Variants in SCN3A observed in about 807,000 individuals in gnomAD.
SCN3A encodes sodium channel protein type 3 subunit alpha.
A neutral mutation model predicts 187.6 loss-of-function variants in SCN3A; 60 were observed. The observed-to-expected ratio is 0.32, with a 90% CI of 0.26 to 0.40. The LOEUF is 0.40. Among genes scored for constraint, SCN3A ranks in the 10% least tolerant of loss-of-function variants. SCN3A has a pLI of 1.00. For synonymous variants in SCN3A, 788 were observed against 829.2 expected (o/e 0.95, Z 0.85); for missense variants, 1,601 against 2,428.2 (o/e 0.66, Z 7.16).
At chr2:165,138,188 C>T (rs1687785567) in intron 14 of SCN3A, 71 bp from the exon 15 acceptor site, 2 of 1,090,064 alleles carry the variant, frequency 1.8e-6, no homozygotes, top group Admixed American at 1.7e-5. Flanking sequence ...GTAGATTTTA[C>T]ATTATTTAAC....
chr2:165,117,195 T>A (rs1686414918), intron 18 of SCN3A, among the ~76,000 whole-genome samples: 1 of 152,076 alleles, frequency 6.6e-6, no homozygotes, highest in Admixed American at 6.6e-5. Context: ...GTTTATGGGT[T>A]AATTACTATG....
chr2:165,201,861 C>A (rs1236734059), intron 1 of SCN3A, among the ~76,000 whole-genome samples: 1 of 151,982 alleles, frequency 6.6e-6, no homozygotes, highest in Non-Finnish European at 1.5e-5. Context: ...GAAGAAAAAT[C>A]CAAATAAATG....
At chr2:165,157,674 A>G (rs1390074973) in intron 9 of SCN3A, among the ~76,000 whole-genome samples, 2 of 152,216 alleles carry the variant, frequency 1.3e-5, no homozygotes, top group Non-Finnish European at 2.9e-5. Flanking sequence ...ACCCGCAGTT[A>G]TGATCTTAAG....
At chr2:165,146,378 ATATATGTGTGTGTGTGTGTGTG>A (rs1392438363) in intron 12 of SCN3A, among the ~76,000 whole-genome samples, 4 of 137,418 alleles carry the variant, frequency 2.9e-5, no homozygotes, top group Non-Finnish European at 1.5e-5. Context: ...TTATATATAT[ATATATGTGTGTGTGTGTGTGTG>A]TGTGTGTGTG....
At chr2:165,119,462 G>A (rs1686542837) in intron 18 of SCN3A, among the ~76,000 whole-genome samples, 1 of 152,096 alleles carries the variant, frequency 6.6e-6, no homozygotes, top group Non-Finnish European at 1.5e-5. Context: ...CTTTACTGCT[G>A]TATTTTTTAA....
In SCN3A at chr2:165,140,811, C is replaced by T. The variant is rs369720053; in HGVS notation, c.1859G>A (p.Arg620Gln). 5.0e-6 allele frequency: 8 copies of T among 1,614,008 alleles called. No homozygotes were observed. The highest frequency in any genetic ancestry group is 6.8e-6 in the Non-Finnish European group (8 of 1,180,028). Reference protein sequence around the residue: ...SLFVPHRHGERRNSNVSQASM... With the variant: ...SLFVPHRHGEQRNSNVSQASM... ...GGCCTGACTAACGTTACTGTTGCGT[C>T]GCTCTCCATGTCTGTGCGGCACAAA... is the stretch of plus-strand genomic sequence containing the variant. Residue 620 changes from arginine to glutamine, a missense_variant, in exon 13 of 28, where the codon CGA becomes CAA. By Grantham distance (43) the Arg-to-Gln change is conservative. Around this residue, in one of 11 missense-constraint regions of SCN3A, gnomAD observed 376 missense variants for 476.0 expected, o/e 0.79. Transcript: ENST00000283254. The surrounding 1 kb of genome is among the most constrained non-coding windows in gnomAD (Gnocchi z 4.2).
chr2:165,132,263 A>T (rs1172037137), intron 15 of SCN3A, among the ~76,000 whole-genome samples: 1 of 152,216 alleles, frequency 6.6e-6, no homozygotes, highest in Non-Finnish European at 1.5e-5. Context: ...CTTTCTTCAC[A>T]GAATTGGAAA....
intron 19 of SCN3A, 97 bp downstream of exon 19, chr2:165,115,358 C>T (rs754345012): frequency 6.5e-7 from 1 of 1,538,244 alleles, no homozygotes. Flanking sequence ...TAAGCCACCA[C>T]ACCTCGTTTC....
intron 1 of SCN3A, among the ~76,000 whole-genome samples, chr2:165,193,411 A>G (rs1027819913): frequency 6.6e-6 from 1 of 152,138 alleles, no homozygotes; most frequent in African/African-American, 2.4e-5. Context: ...AGAATATAAC[A>G]GCATTACAGG....
chr2:165,176,566 T>A lies in SCN3A; in HGVS notation c.-50-122A>T, dbSNP rs1048199951. Reference sequence around the variant, plus strand: ...TATAAACATTAAGTCATGCTTTTAGTACTGCACTACACATTTGAACTTGAA... The same window carrying A: ...TATAAACATTAAGTCATGCTTTTAGAACTGCACTACACATTTGAACTTGAA... On this transcript the variant is annotated intron_variant, in intron 2 of 27. Coordinates refer to ENST00000283254, the MANE Select transcript of SCN3A (RefSeq NM_006922.4). The A allele has an allele frequency of 2.4e-5, 17 of 698,366 alleles. No homozygotes were observed. The African/African-American group carries it at 3.0e-4, about 12-fold the overall frequency. 43.3% of individuals were successfully genotyped at this position (698,366 alleles called of 1,614,324 possible).
Position 165,123,856 on chromosome 2 carries a change from T to TA in SCN3A, c.3393+3774dup, listed in dbSNP as rs371752374. Among the ~76,000 whole-genome samples the TA allele has an allele frequency of 3.9e-3, 590 of 152,292 alleles. 4 individuals are homozygous for TA. Among genetic ancestry groups the TA allele is most frequent in the African/African-American group, 0.014 (569 of 41,572 alleles). The stretch of plus-strand genomic sequence containing the variant: ...ACATGCTGGTATTGGCTTTTTATTT[T>TA]AAAAACTGTCTGCATTTTATCTTGT... On this transcript the variant is annotated intron_variant, in intron 18 of 27. Coordinates refer to ENST00000283254, the MANE Select transcript of SCN3A (RefSeq NM_006922.4).
intron 25 of SCN3A, 58 bp downstream of exon 25, chr2:165,095,453 G>T: frequency 1.3e-6 from 2 of 1,505,154 alleles, no homozygotes; most frequent in Non-Finnish European, 1.8e-6. Flanking sequence ...TGGTTATTTG[G>T]CTGTATTAAC....
At chr2:165,110,281 C>T (rs1574124908) in intron 21 of SCN3A, among the ~76,000 whole-genome samples, 1 of 152,086 alleles carries the variant, frequency 6.6e-6, no homozygotes, top group South Asian at 2.1e-4. Context: ...GCATATGATC[C>T]TTTATAAGGT....
At chr2:165,124,349 G>A (rs374728049) in intron 18 of SCN3A, among the ~76,000 whole-genome samples, 4 of 151,894 alleles carry the variant, frequency 2.6e-5, no homozygotes, top group Non-Finnish European at 5.9e-5. Context: ...CCAACTGTTC[G>A]GTAGGAGGAA....
chr2:165,128,060 G>A lies in SCN3A; in HGVS notation c.2964C>T (p.Ser988=), dbSNP rs1687099918. 6.2e-7 allele frequency: 1 copy of A among 1,613,064 alleles called. No individual in the cohort carries two copies. Among genetic ancestry groups the A allele is most frequent in the African/African-American group, 1.3e-5 (1 of 74,854 alleles). ...LFLALLLSSF[S]SDNLAATDDD... ...CATCAGTAGCAGCAAGGTTGTCTGA[G>A]CTAAATGAACTCAACAATAAGGCCA... The change falls in exon 18 of 28, where the codon AGC becomes AGT. Residue 988 remains serine (S), a synonymous_variant. Coordinates refer to ENST00000283254, the MANE Select transcript of SCN3A (RefSeq NM_006922.4).
intron 17 of SCN3A, among the ~76,000 whole-genome samples, chr2:165,128,537 T>A (rs1687133385): frequency 1.3e-5 from 2 of 152,238 alleles, no homozygotes; most frequent in Non-Finnish European, 2.9e-5. Flanking sequence ...ATATAAAGAA[T>A]GAACTTATTT....
At chr2:165,177,062 G>T (rs1334951333) in intron 2 of SCN3A, among the ~76,000 whole-genome samples, 1 of 152,092 alleles carries the variant, frequency 6.6e-6, no homozygotes, top group Non-Finnish European at 1.5e-5. Context: ...TCACCAACCA[G>T]CAGGGACATG....
rs777999021 is a variant in SCN3A at position 165,164,435 on chromosome 2, G to A, written c.559C>T (p.Arg187Cys). 7.4e-6 allele frequency: 12 copies of A among 1,613,640 alleles called. No individual in the cohort carries two copies. The highest frequency in any genetic ancestry group is 4.0e-5 in the African/African-American group (3 of 74,900). Residue 187 changes from arginine to cysteine, a missense_variant, in exon 6 of 28, where the codon CGT becomes TGT. Arg to Cys is a radical substitution (Grantham distance 180). Coordinates refer to ENST00000283254, the MANE Select transcript of SCN3A (RefSeq NM_006922.4). ...AAATCCAGCCAGTTCCATGGATCAC[G>A]AAGAAACGTAAAATCTTCTAAGCAA... ...GFCLEDFTFL[R>C]DPWNWLDFSV...
rs769002204 is a variant in SCN3A, at chr2:165,139,578, T to C, written c.2050A>G (p.Arg684Gly). The change falls in exon 14 of 28, where the codon AGA becomes GGA. Residue 684 changes from arginine to glycine, a missense_variant. Physicochemically the swap from Arg to Gly is moderately radical, Grantham distance 125 (BLOSUM62 -2). Transcript: ENST00000283254. ...GAAATCTGGTAAGAGCTTAACCTTC[T>C]CTTTCTGACTTCCGTTTCTGTGGTG... ...GTTTETEVRKRRLSSYQISME... is the reference protein window; with the variant it reads ...GTTTETEVRKGRLSSYQISME... 7 of 1,613,818 alleles carry C rather than the reference T, an allele frequency of 4.3e-6. No individual in the cohort carries two copies. Among genetic ancestry groups the C allele is most frequent in the African/African-American group, 4.0e-5 (3 of 74,886 alleles).
Sources: allele counts gnomAD v4.1 joint callset (sites outside exome capture counted in the v4.1 genomes callset), GRCh38; gene constraint gnomAD v4.1.1; regional missense constraint gnomAD v4.1.1; non-coding constraint Gnocchi (gnomAD v3.1); transcripts MANE v1.5; gene names NCBI Gene and HGNC (gene_info 2026-07-23, HGNC 2026-07-21).